Variants in IRAK1BP1 observed in about 807,000 individuals in gnomAD.
The protein encoded by IRAK1BP1 is interleukin 1 receptor associated kinase 1 binding protein 1, also known as interleukin-1 receptor-associated kinase 1-binding protein 1.
Under a neutral mutation model 28.0 loss-of-function variants are expected in IRAK1BP1, and 24 were observed. The observed-to-expected ratio is 0.86, with a 90% CI of 0.62 to 1.20. IRAK1BP1 has a LOEUF of 1.20. Among genes scored for constraint, IRAK1BP1 ranks in the 50% most tolerant of loss-of-function variants. The probability of loss-of-function intolerance (pLI) is 0.00; values close to 1 mark genes in which losing one functional copy is unlikely to be tolerated. For missense variants in IRAK1BP1, 336 were observed against 316.7 expected (o/e 1.06, Z -0.46); for synonymous variants, 131 against 116.3 (o/e 1.13, Z -0.81).
downstream of IRAK1BP1, chr6:78,903,237 C>G: frequency 2.0e-6 from 1 of 509,298 alleles, no homozygotes; most frequent in Non-Finnish European, 3.4e-6. Context: ...AATCCCAACA[C>G]TTCGGGAGGC....
chr6:78,963,274 T>C, the IRAK1BP1 span: 45 of 1,581,804 alleles, frequency 2.8e-5, no homozygotes, highest in African/African-American at 9.6e-5. Context: ...AAGCAGATCA[T>C]TGCAAATACA....
the IRAK1BP1 span, among the ~76,000 whole-genome samples, chr6:78,969,017 G>A: frequency 6.6e-6 from 1 of 152,088 alleles, no homozygotes; most frequent in African/African-American, 2.4e-5. Flanking sequence ...TTCCTGAGGG[G>A]ATTCCATTCT....
At chr6:78,956,581 C>T in the IRAK1BP1 span, 16 of 152,236 alleles carry the variant, frequency 1.1e-4, no homozygotes, top group East Asian at 2.7e-3. Context: ...AAGCCACCCA[C>T]GATGTGGCCC....
chr6:78,917,369 A>G lies in IRAK1BP1; in HGVS notation c.*67+14259A>G, dbSNP rs7756648. 2.0e-5 allele frequency among the ~76,000 whole-genome samples: 3 copies of G among 151,802 alleles called. No homozygotes were observed. In the South Asian group the frequency reaches 6.2e-4, roughly 31 times the overall value. On this transcript the variant is annotated intron_variant and NMD_transcript_variant, in intron 4 of 4. Coordinates refer to the IRAK1BP1 transcript ENST00000606868. Reference sequence around the variant, plus strand: ...TTTCAAATTAGCCAGACAAAAGTAAAGAAAAAATAATTTTTTTAAAGAACA... The same window carrying G: ...TTTCAAATTAGCCAGACAAAAGTAAGGAAAAAATAATTTTTTTAAAGAACA...
intron 1 of IRAK1BP1, among the ~76,000 whole-genome samples, chr6:78,869,620 G>A (rs576324632): frequency 1.4e-4 from 21 of 152,270 alleles, no homozygotes; most frequent in African/African-American, 3.9e-4. Context: ...AATTATCTCT[G>A]CTAATGGATG....
chr6:78,964,377 C>T, the IRAK1BP1 span, among the ~76,000 whole-genome samples: 1 of 152,134 alleles, frequency 6.6e-6, no homozygotes, highest in Non-Finnish European at 1.5e-5. Context: ...CTTTGGATTA[C>T]AATAACTACT....
At chr6:78,869,464 G>A (rs1051264401) in intron 1 of IRAK1BP1, among the ~76,000 whole-genome samples, 1 of 152,212 alleles carries the variant, frequency 6.6e-6, no homozygotes, top group African/African-American at 2.4e-5. Flanking sequence ...AGGTTTCAGT[G>A]AGCCGAGATG....
intron 2 of IRAK1BP1, among the ~76,000 whole-genome samples, chr6:78,890,836 A>C (rs2127649774): frequency 6.6e-6 from 1 of 152,354 alleles, no homozygotes; most frequent in East Asian, 1.9e-4. Flanking sequence ...AGGGCTGACC[A>C]GAAGTGTCAC....
chr6:78,872,395 T>C (rs1179210101), intron 1 of IRAK1BP1, among the ~76,000 whole-genome samples: 1 of 152,122 alleles, frequency 6.6e-6, no homozygotes, highest in Non-Finnish European at 1.5e-5. Context: ...TTGGCTAAAG[T>C]TTTTCATTAT....
chr6:78,893,304 GTGTGTGTGTGTATATATATATA>G (rs1466206658), intron 2 of IRAK1BP1, among the ~76,000 whole-genome samples: 37 of 98,046 alleles, frequency 3.8e-4, no homozygotes, highest in Non-Finnish European at 6.8e-4. Flanking sequence ...GTGTGTGTGT[GTGTGTGTGTGTATATATATATA>G]TATATATATA....
chr6:78,968,389 T>C, the IRAK1BP1 span, among the ~76,000 whole-genome samples: 1 of 152,208 alleles, frequency 6.6e-6, no homozygotes. Context: ...TTTGGCCCTC[T>C]GTATTGGCAG....
At chr6:78,879,250 A>G (rs1771129323) in intron 1 of IRAK1BP1, among the ~76,000 whole-genome samples, 1 of 152,116 alleles carries the variant, frequency 6.6e-6, no homozygotes, top group African/African-American at 2.4e-5. Flanking sequence ...ACCTAATGTA[A>G]ATGACGAGTT....
the IRAK1BP1 span, among the ~76,000 whole-genome samples, chr6:78,966,668 T>C: frequency 1.6e-4 from 25 of 152,230 alleles, 1 homozygote; most frequent in African/African-American, 5.8e-4. Flanking sequence ...ATTGCTGTCG[T>C]CGTATTACTT....
At chr6:78,903,868 A>G (rs1281861485), downstream of IRAK1BP1, among the ~76,000 whole-genome samples, 1 of 152,184 alleles carries the variant, frequency 6.6e-6, no homozygotes, top group Non-Finnish European at 1.5e-5. Context: ...ATATAGTTTC[A>G]GTGCTTCATA....
At chr6:78,925,197 A>T (rs895912765) in intron 4 of IRAK1BP1, among the ~76,000 whole-genome samples, 1 of 152,152 alleles carries the variant, frequency 6.6e-6, no homozygotes, top group Non-Finnish European at 1.5e-5. Context: ...GAGGGATAGC[A>T]CTGGGAGATA....
intron 2 of IRAK1BP1, among the ~76,000 whole-genome samples, chr6:78,889,134 AG>A (rs57507582): frequency 0.26 from 31,128 of 120,670 alleles, 4,997 homozygotes; most frequent in African/African-American, 0.29. Context: ...AAAAAAAAAA[AG>A]AAAGAAAGAA....
At chr6:78,969,810 G>A in the IRAK1BP1 span, 166 of 1,138,266 alleles carry the variant, frequency 1.5e-4, 1 homozygote, top group Middle Eastern at 5.2e-3. Flanking sequence ...ATCAAACATC[G>A]ATAGCTTCTA....
chr6:78,965,997 C>T, the IRAK1BP1 span: 1 of 1,613,754 alleles, frequency 6.2e-7, no homozygotes, highest in Non-Finnish European at 8.5e-7. Context: ...TGAAGAGGTT[C>T]CTGGCTTTCG....
At chr6:78,946,376 G>T in exon 5 of IRAK1BP1, 1 of 1,385,152 alleles carries the variant, frequency 7.2e-7, no homozygotes, top group Non-Finnish European at 9.6e-7. Flanking sequence ...TAAAATATGA[G>T]ATTTATAGTG....
Sources: gnomAD v4.1 joint callset for allele counts (sites outside exome capture counted in the v4.1 genomes callset) on GRCh38, gnomAD v4.1.1 for gene constraint, MANE v1.5 for transcripts, NCBI Gene and HGNC (gene_info 2026-07-23, HGNC 2026-07-21) for gene names.